HIBCH: variants seen among roughly 807,000 people sequenced by gnomAD.
The protein encoded by HIBCH is 3-hydroxyisobutyryl-CoA hydrolase, mitochondrial.
In HIBCH, 50 loss-of-function variants were observed where a neutral mutation model predicts 58.2. The observed-to-expected ratio is 0.86, with a 90% CI of 0.68 to 1.09. The LOEUF is 1.09. HIBCH is among the 50% of genes least tolerant of loss of function. The pLI, the probability that HIBCH is intolerant of heterozygous loss-of-function variation, is 0.00. For synonymous variants in HIBCH, 151 were observed against 146.9 expected (o/e 1.03, Z -0.20); for missense variants, 450 against 449.7 (o/e 1.00, Z -0.01).
rs929739670 is a variant in HIBCH, at chr2:190,216,902, C to T, written c.892-3827G>A. 1.3e-5 allele frequency among the ~76,000 whole-genome samples: 2 copies of T among 152,178 alleles called. No individual in the cohort carries two copies. The highest frequency in any genetic ancestry group is 4.8e-5 in the African/African-American group (2 of 41,440). The stretch of plus-strand genomic sequence containing the variant: ...CCCAGAGCGGGACAAACCAGAGACC[C>T]TTTGCAGTTGCTGGGTCACCAGCAG... On this transcript the variant is annotated intron_variant, in intron 11 of 13. Transcript: ENST00000359678. The surrounding 1 kb of genome is among the most constrained non-coding windows in gnomAD (Gnocchi z 4.2).
rs1303030866 is a variant in HIBCH, at chr2:190,314,402, C to T, written c.36-3606G>A. ...ATGTGTATATATATGTATATATATA[C>T]GTATATATGTGTATATATATATACA... On this transcript the variant is annotated intron_variant, in intron 1 of 13. Transcript: ENST00000359678. Among the ~76,000 whole-genome samples the T allele has an allele frequency of 7.0e-5, 10 of 142,114 alleles. No homozygotes were observed. The East Asian group carries it at 1.8e-3, about 26-fold the overall frequency. 93.2% of individuals were successfully genotyped at this position (142,114 alleles called of 152,430 possible).
chr2:190,208,718 C>A, intron 13 of HIBCH, 162 bp downstream of exon 13: 1 of 646,054 alleles, frequency 1.5e-6, no homozygotes, highest in Non-Finnish European at 2.8e-6. Context: ...TACTTATGGT[C>A]CAATGAACAT....
At chr2:190,222,476 T>C (rs1413941141) in intron 11 of HIBCH, among the ~76,000 whole-genome samples, 2 of 148,686 alleles carry the variant, frequency 1.3e-5, no homozygotes, top group Non-Finnish European at 3.0e-5. Flanking sequence ...TAGAAGTGAA[T>C]ATCTCAAAAA....
chr2:190,311,259 T>C lies in HIBCH; in HGVS notation c.36-463A>G, dbSNP rs539057857. 2.0e-5 allele frequency among the ~76,000 whole-genome samples: 3 copies of C among 152,276 alleles called. No homozygotes were observed. In the South Asian group the frequency reaches 6.2e-4, roughly 32 times the overall value. ...ATTATGAAATCAGTAGAAAGATCAATGGTTGCCAGGGGTTTGGGGGACGGA... is the reference window on the plus strand; with the variant it reads ...ATTATGAAATCAGTAGAAAGATCAACGGTTGCCAGGGGTTTGGGGGACGGA... On this transcript the variant is annotated intron_variant, in intron 1 of 13. Transcript: ENST00000359678.
At chr2:190,295,942 T>C (rs1688092820) in intron 3 of HIBCH, among the ~76,000 whole-genome samples, 1 of 152,164 alleles carries the variant, frequency 6.6e-6, no homozygotes. Flanking sequence ...CATATCATCA[T>C]CCCCATTTCA....
intron 11 of HIBCH, among the ~76,000 whole-genome samples, chr2:190,223,108 C>G (rs1381667846): frequency 6.6e-6 from 1 of 152,172 alleles, no homozygotes; most frequent in Non-Finnish European, 1.5e-5. Context: ...ACATCACACA[C>G]TGAGACCTGT....
intron 2 of HIBCH, among the ~76,000 whole-genome samples, chr2:190,308,695 G>C (rs533804629): frequency 1.3e-5 from 2 of 152,120 alleles, no homozygotes; most frequent in Non-Finnish European, 2.9e-5. Context: ...GTAACGATAA[G>C]AAATAAATTC....
At chr2:190,200,410 C>A, downstream of HIBCH, 1 of 366,784 alleles carries the variant, frequency 2.7e-6, no homozygotes, top group Non-Finnish European at 5.2e-6. Flanking sequence ...CTGAATGTCA[C>A]AGCACTTCTT....
intron 6 of HIBCH, among the ~76,000 whole-genome samples, chr2:190,265,327 T>G (rs1193125370): frequency 2.0e-5 from 3 of 152,060 alleles, no homozygotes; most frequent in Non-Finnish European, 4.4e-5. Context: ...ACTGAAGTTT[T>G]AATTTGCATA....
Position 190,210,682 on chromosome 2 carries a change from T to A in HIBCH, c.1012-1769A>T, listed in dbSNP as rs1575694232. Among the ~76,000 whole-genome samples, 1 of 152,116 alleles carries A rather than the reference T, an allele frequency of 6.6e-6. No homozygotes were observed. Among genetic ancestry groups the A allele is most frequent in the Non-Finnish European group, 1.5e-5 (1 of 68,022 alleles). The stretch of plus-strand genomic sequence containing the variant: ...ACACTGTTTCCTCTGACCTCATCTC[T>A]CACTCACCACAACCTCTGCCCCCCA... On this transcript the variant is annotated intron_variant, in intron 12 of 13. Transcript: ENST00000359678. The surrounding 1 kb of genome is among the most constrained non-coding windows in gnomAD (Gnocchi z 5.5).
rs540733333 is a variant in HIBCH at position 190,197,413 on chromosome 2, C to T, written c.*18-7416G>A. On this transcript the variant is annotated intron_variant, in intron 1 of 1. Coordinates refer to the HIBCH transcript ENST00000399855. This position sits in a 1 kb window ranked among gnomAD's most constrained non-coding sequence, Gnocchi z 4.0. ...ACTCTTAAGTCCTAGAGGAAGTAAT[C>T]GTTTGCTAACACTTTGCAGATCCTT... Among the ~76,000 whole-genome samples, 1 of 152,310 alleles carries T rather than the reference C, an allele frequency of 6.6e-6. No homozygotes were observed. The highest frequency in any genetic ancestry group is 2.4e-5 in the African/African-American group (1 of 41,554).
intron 1 of HIBCH, among the ~76,000 whole-genome samples, chr2:190,198,559 G>A (rs745641606): frequency 5.4e-5 from 8 of 148,554 alleles, no homozygotes; most frequent in Non-Finnish European, 1.2e-4. Flanking sequence ...TTGAACCCAG[G>A]AGGTCCAGGC....
In HIBCH at chr2:190,207,575, T is replaced by A. The variant is rs1690420772; in HGVS notation, c.1045+1305A>T. Reference sequence around the variant, plus strand: ...GCTGAGAGAACATAACATAACCTTTTATTCAGATAAAAAAGTATATCCAGG... The same window carrying A: ...GCTGAGAGAACATAACATAACCTTTAATTCAGATAAAAAAGTATATCCAGG... On this transcript the variant is annotated intron_variant, in intron 13 of 13. Coordinates refer to ENST00000359678, the MANE Select transcript of HIBCH (RefSeq NM_014362.4). This position sits in a 1 kb window ranked among gnomAD's most constrained non-coding sequence, Gnocchi z 4.5. Among the ~76,000 whole-genome samples, 1 of 152,166 alleles carries A rather than the reference T, an allele frequency of 6.6e-6. No individual in the cohort carries two copies. The highest frequency in any genetic ancestry group is 1.5e-5 in the Non-Finnish European group (1 of 68,034).
At chr2:190,301,867 T>C (rs923626605) in intron 2 of HIBCH, among the ~76,000 whole-genome samples, 1 of 152,146 alleles carries the variant, frequency 6.6e-6, no homozygotes, top group Non-Finnish European at 1.5e-5. Flanking sequence ...TCAACCTCTT[T>C]TATAAGAGTA....
At chr2:190,261,600 TTTATATA>T (rs1267355238) in intron 6 of HIBCH, among the ~76,000 whole-genome samples, 1 of 151,638 alleles carries the variant, frequency 6.6e-6, no homozygotes, top group African/African-American at 2.4e-5. Flanking sequence ...TGATATATAT[TTTATATA>T]TAAGAATATA....
rs747103398 is a variant in HIBCH at position 190,232,517 on chromosome 2, T to C, written c.891+12370A>G. On this transcript the variant is annotated intron_variant, in intron 11 of 13. Coordinates refer to ENST00000359678, the MANE Select transcript of HIBCH (RefSeq NM_014362.4). ...CAAGTACCCACTGGAAGAGGACTCT[T>C]AGGCGCTTACACCTGGTTTCCTCCA... Among the ~76,000 whole-genome samples, 106 of 152,212 alleles carry C rather than the reference T, an allele frequency of 7.0e-4. 2 individuals are homozygous for C. Among genetic ancestry groups the C allele is most frequent in the Non-Finnish European group, 4.3e-4 (29 of 68,036 alleles).
At chr2:190,265,448 T>C (rs1687206436) in intron 6 of HIBCH, among the ~76,000 whole-genome samples, 2 of 140,474 alleles carry the variant, frequency 1.4e-5, no homozygotes, top group African/African-American at 5.8e-5. Context: ...TGTTCCAATC[T>C]TTTGCTCTTT....
intron 6 of HIBCH, among the ~76,000 whole-genome samples, chr2:190,273,611 G>A (rs1050349150): frequency 2.0e-5 from 3 of 151,744 alleles, no homozygotes; most frequent in Non-Finnish European, 4.4e-5. Flanking sequence ...GAAATCCAAG[G>A]GAAATTTCCC....
intron 6 of HIBCH, among the ~76,000 whole-genome samples, chr2:190,276,229 T>C (rs1303385553): frequency 6.6e-6 from 1 of 152,192 alleles, no homozygotes; most frequent in African/African-American, 2.4e-5. Flanking sequence ...TAGCCAAAGC[T>C]TTAGCGGAAA....
Sources: allele counts gnomAD v4.1 joint callset (sites outside exome capture counted in the v4.1 genomes callset), GRCh38; gene constraint gnomAD v4.1.1; non-coding constraint Gnocchi (gnomAD v3.1); transcripts MANE v1.5; gene names NCBI Gene and HGNC (gene_info 2026-07-23, HGNC 2026-07-21).